Variants in ZNF385D observed in about 807,000 individuals in gnomAD.
ZNF385D encodes zinc finger protein 385D.
ZNF385D carries 15 observed loss-of-function variants against 35.8 expected under a neutral mutation model. That is an observed-to-expected ratio of 0.42 (90% CI 0.28 to 0.64). The LOEUF is 0.64. Ranked by LOEUF, ZNF385D falls within the 30% of genes least tolerant of loss-of-function variation. The probability of loss-of-function intolerance (pLI) is 0.23; values close to 1 mark genes in which losing one functional copy is unlikely to be tolerated. For synonymous variants in ZNF385D, 212 were observed against 186.8 expected (o/e 1.13, Z -1.10); for missense variants, 474 against 494.6 (o/e 0.96, Z 0.39).
intron 5 of ZNF385D, among the ~76,000 whole-genome samples, chr3:21,427,891 C>CAA (rs1204724489): frequency 6.6e-6 from 1 of 151,970 alleles, no homozygotes; most frequent in African/African-American, 2.4e-5. Flanking sequence ...TGCACATGCA[C>CAA]ACACACACAG....
rs187664362 is a variant in ZNF385D at position 21,870,014 on chromosome 3, A to T, written c.326-204986T>A. The stretch of plus-strand genomic sequence containing the variant: ...TATATCCCACTGTGGATTTTTTTTT[A>T]AAAAACAACTTTCTCAAATCTGCAA... On this transcript the variant is annotated intron_variant, in intron 3 of 5. Coordinates refer to the ZNF385D transcript ENST00000494108. Among the ~76,000 whole-genome samples the T allele has an allele frequency of 5.8e-3, 886 of 152,140 alleles. 9 individuals are homozygous for T. The highest frequency in any genetic ancestry group is 0.02 in the African/African-American group (843 of 41,544).
chr3:22,023,126 G>A (rs1286874090), intron 3 of ZNF385D, among the ~76,000 whole-genome samples: 3 of 152,152 alleles, frequency 2.0e-5, no homozygotes, highest in Non-Finnish European at 2.9e-5. Flanking sequence ...GTCTTATGGA[G>A]GGCACAGAAT....
chr3:22,295,771 T>G (rs1346983008), intron 2 of ZNF385D, among the ~76,000 whole-genome samples: 1 of 152,138 alleles, frequency 6.6e-6, no homozygotes, highest in Non-Finnish European at 1.5e-5. Context: ...TCTAATATTT[T>G]CCTTCACCTT....
chr3:22,270,902 A>G (rs937991045), intron 2 of ZNF385D, among the ~76,000 whole-genome samples: 3 of 152,036 alleles, frequency 2.0e-5, no homozygotes, highest in South Asian at 4.1e-4. Context: ...ATATCACACA[A>G]ACTTCTTACT....
intron 2 of ZNF385D, among the ~76,000 whole-genome samples, chr3:21,660,992 AGT>A (rs577970971): frequency 1.3e-5 from 2 of 152,340 alleles, no homozygotes; most frequent in South Asian, 4.1e-4. Context: ...CCTTGCCAAC[AGT>A]GCCCAGGTAT....
intron 2 of ZNF385D, among the ~76,000 whole-genome samples, chr3:21,657,622 A>G (rs1178788229): frequency 6.6e-6 from 1 of 151,956 alleles, no homozygotes; most frequent in Non-Finnish European, 1.5e-5. Flanking sequence ...ATAGCAATCA[A>G]TACTGTATTT....
At chr3:22,101,157 A>C (rs1007862763) in intron 3 of ZNF385D, among the ~76,000 whole-genome samples, 1 of 152,028 alleles carries the variant, frequency 6.6e-6, no homozygotes, top group East Asian at 1.9e-4. Context: ...AAAAATAAAT[A>C]AGTTACTGTC....
At position 22,222,175 on chromosome 3, in the gene ZNF385D, C is replaced by T. The variant is rs564886940; in HGVS notation, c.107-53140G>A. Among the ~76,000 whole-genome samples, 6 of 152,028 alleles carry T rather than the reference C, an allele frequency of 3.9e-5. No homozygotes were observed. The South Asian group carries it at 1.2e-3, about 32-fold the overall frequency. ...TATTTTTAGTAGAGATGGGGATTCA[C>T]CCTGTTGGCTAGGCTGGTCCTGTCC... is the stretch of plus-strand genomic sequence containing the variant. On this transcript the variant is annotated intron_variant, in intron 2 of 5. Transcript: ENST00000494108.
At chr3:21,830,023 C>T (rs773337584) in intron 3 of ZNF385D, among the ~76,000 whole-genome samples, 4 of 151,922 alleles carry the variant, frequency 2.6e-5, no homozygotes, top group Non-Finnish European at 5.9e-5. Flanking sequence ...GCTCGGGAGG[C>T]TGAGGCAGGA....
chr3:21,699,927 G>C (rs114416190), intron 1 of ZNF385D, among the ~76,000 whole-genome samples: 2,555 of 149,614 alleles, frequency 0.017, 77 homozygotes, highest in African/African-American at 0.058. Context: ...CACCTCCTAG[G>C]TTCGAGTGAT....
intron 3 of ZNF385D, among the ~76,000 whole-genome samples, chr3:21,549,880 G>A (rs1428815921): frequency 6.6e-6 from 1 of 152,118 alleles, no homozygotes; most frequent in Non-Finnish European, 1.5e-5. Context: ...GGATGCAGCG[G>A]CAACAACATA....
At chr3:22,078,298 C>A (rs1170250217) in intron 3 of ZNF385D, among the ~76,000 whole-genome samples, 1 of 151,944 alleles carries the variant, frequency 6.6e-6, no homozygotes, top group Non-Finnish European at 1.5e-5. Flanking sequence ...AAATTAAACG[C>A]TTGAATGACT....
chr3:22,258,023 G>A (rs1210103989), intron 2 of ZNF385D, among the ~76,000 whole-genome samples: 2 of 151,774 alleles, frequency 1.3e-5, no homozygotes, highest in Non-Finnish European at 2.9e-5. Context: ...TGCAGGAGAG[G>A]TGTTTTACAC....
At chr3:22,257,024 G>A (rs1700353161) in intron 2 of ZNF385D, among the ~76,000 whole-genome samples, 1 of 151,754 alleles carries the variant, frequency 6.6e-6, no homozygotes, top group South Asian at 2.1e-4. Flanking sequence ...GTCAGAAGAA[G>A]GAAGAATATT....
intron 3 of ZNF385D, among the ~76,000 whole-genome samples, chr3:21,843,593 A>C (rs911591302): frequency 2.0e-5 from 3 of 151,978 alleles, no homozygotes; most frequent in Non-Finnish European, 2.9e-5. Flanking sequence ...TGAGCTATTA[A>C]AATATAGAGG....
chr3:22,113,864 A>T (rs1313892061), intron 3 of ZNF385D, among the ~76,000 whole-genome samples: 1 of 152,142 alleles, frequency 6.6e-6, no homozygotes, highest in Non-Finnish European at 1.5e-5. Flanking sequence ...CCTATTACCC[A>T]GAATTACAGC....
At chr3:21,790,702 G>A (rs555030747) in intron 3 of ZNF385D, among the ~76,000 whole-genome samples, 17 of 152,240 alleles carry the variant, frequency 1.1e-4, no homozygotes, top group Non-Finnish European at 1.9e-4. Context: ...TTCTGCAGAG[G>A]CACAAGTTGC....
At chr3:21,851,355 G>A (rs1696377324) in intron 3 of ZNF385D, among the ~76,000 whole-genome samples, 2 of 152,106 alleles carry the variant, frequency 1.3e-5, no homozygotes, top group South Asian at 4.1e-4. Context: ...GCTTTAGTTT[G>A]GCAACTTCTT....
At chr3:21,988,816 G>C (rs1694972975) in intron 3 of ZNF385D, among the ~76,000 whole-genome samples, 1 of 152,266 alleles carries the variant, frequency 6.6e-6, no homozygotes, top group African/African-American at 2.4e-5. Context: ...CTAGCAATCA[G>C]CGAGACTCCG....
Sources: allele counts gnomAD v4.1 joint callset (sites outside exome capture counted in the v4.1 genomes callset), GRCh38; gene constraint gnomAD v4.1.1; transcripts MANE v1.5; gene names NCBI Gene and HGNC (gene_info 2026-07-23, HGNC 2026-07-21).